The following LRP1B variants were observed in gnomAD, a reference collection of about 807,000 sequenced individuals.
LRP1B encodes the protein low-density lipoprotein receptor-related protein 1B.
Under a neutral mutation model 556.6 loss-of-function variants are expected in LRP1B, and 217 were observed. That is an observed-to-expected ratio of 0.39 (90% CI 0.35 to 0.44). The LOEUF (loss-of-function observed/expected upper bound fraction) is 0.44, where lower values mean the gene tolerates loss of function less well. Among genes scored for constraint, LRP1B ranks in the 20% least tolerant of loss-of-function variants. The pLI, the probability that LRP1B is intolerant of heterozygous loss-of-function variation, is 1.00. For synonymous variants in LRP1B, 2,047 were observed against 1,865.8 expected (o/e 1.10, Z -2.50); for missense variants, 5,053 against 5,620.8 (o/e 0.90, Z 3.23).
chr2:141,577,713 C>A (rs986495409), intron 2 of LRP1B, among the ~76,000 whole-genome samples: 1 of 152,100 alleles, frequency 6.6e-6, no homozygotes, highest in African/African-American at 2.4e-5. Context: ...ATAGGGGCAC[C>A]ATTTAATAAC....
intron 3 of LRP1B, among the ~76,000 whole-genome samples, chr2:141,288,083 C>T (rs536766722): frequency 6.6e-6 from 1 of 152,152 alleles, no homozygotes; most frequent in Non-Finnish European, 1.5e-5. Context: ...TATCCCAACA[C>T]TTTCTTCCAA....
intron 77 of LRP1B, among the ~76,000 whole-genome samples, chr2:140,345,715 T>C (rs1681616120): frequency 6.9e-6 from 1 of 145,866 alleles, no homozygotes; most frequent in Non-Finnish European, 1.5e-5. Flanking sequence ...AACTCATATA[T>C]GTATATATAT....
At chr2:141,968,677 T>G (rs913477160) in intron 1 of LRP1B, among the ~76,000 whole-genome samples, 1 of 151,816 alleles carries the variant, frequency 6.6e-6, no homozygotes, top group African/African-American at 2.4e-5. Flanking sequence ...GAATATTATG[T>G]AACACAAGAC....
At chr2:140,517,638 T>A (rs982814218) in intron 49 of LRP1B, among the ~76,000 whole-genome samples, 3 of 151,734 alleles carry the variant, frequency 2.0e-5, no homozygotes, top group African/African-American at 4.8e-5. Flanking sequence ...TTATATATAT[T>A]TTTTAAATTA....
At chr2:141,236,954 T>C (rs1683668567) in intron 5 of LRP1B, among the ~76,000 whole-genome samples, 1 of 152,164 alleles carries the variant, frequency 6.6e-6, no homozygotes, top group South Asian at 2.1e-4. Flanking sequence ...ATTTCATTTG[T>C]TTTTATGAAG....
chr2:141,668,271 G>A (rs1402208079), intron 2 of LRP1B, among the ~76,000 whole-genome samples: 1 of 152,102 alleles, frequency 6.6e-6, no homozygotes, highest in Non-Finnish European at 1.5e-5. Flanking sequence ...ATACGGACAG[G>A]AGACAGGGAA....
chr2:140,667,252 G>C (rs1351698159), intron 41 of LRP1B, among the ~76,000 whole-genome samples: 1 of 152,102 alleles, frequency 6.6e-6, no homozygotes, highest in Non-Finnish European at 1.5e-5. Flanking sequence ...AATCCACTTA[G>C]TTACCAACTA....
In LRP1B at chr2:141,949,014, G is replaced by A. The variant is rs369109286; in HGVS notation, c.83-138613C>T. The stretch of plus-strand genomic sequence containing the variant: ...AAAAGTAATAAGCTCTAAAAGCTAG[G>A]TATTTTCCAGGAAAATTATAGATAT... On this transcript the variant is annotated intron_variant, in intron 1 of 90. Coordinates refer to ENST00000389484, the MANE Select transcript of LRP1B (RefSeq NM_018557.3). Among the ~76,000 whole-genome samples, 10 of 152,236 alleles carry A rather than the reference G, an allele frequency of 6.6e-5. 1 individual carries two copies. In the East Asian group the frequency reaches 1.5e-3, roughly 23 times the overall value.
At chr2:141,100,728 G>T (rs72985127) in intron 7 of LRP1B, among the ~76,000 whole-genome samples, 1,844 of 152,224 alleles carry the variant, frequency 0.012, 34 homozygotes, top group African/African-American at 0.042. Context: ...GAATAGTGTG[G>T]AGCATGGTGA....
chr2:141,481,743 C>T (rs528042654), intron 2 of LRP1B, among the ~76,000 whole-genome samples: 7 of 152,096 alleles, frequency 4.6e-5, no homozygotes, highest in Non-Finnish European at 1.0e-4. Context: ...TTCCTGGGTC[C>T]AAATGCTGGC....
At chr2:141,425,938 G>C (rs1573932228) in intron 3 of LRP1B, among the ~76,000 whole-genome samples, 1 of 149,580 alleles carries the variant, frequency 6.7e-6, no homozygotes, top group Admixed American at 6.6e-5. Context: ...GATCCCATTT[G>C]TCAATTTTGG....
At chr2:141,957,508 G>C (rs1701290259) in intron 1 of LRP1B, among the ~76,000 whole-genome samples, 1 of 151,816 alleles carries the variant, frequency 6.6e-6, no homozygotes, top group South Asian at 2.1e-4. Context: ...TCACAGCTGA[G>C]AGGTATTAAC....
intron 1 of LRP1B, among the ~76,000 whole-genome samples, chr2:142,098,954 A>C (rs11680286): frequency 0.5 from 75,058 of 151,542 alleles, 18,952 homozygotes; most frequent in East Asian, 0.69. Context: ...ATTAGAACTC[A>C]ATTTTCTCCT....
intron 1 of LRP1B, among the ~76,000 whole-genome samples, chr2:142,128,297 G>A (rs757385568): frequency 6.6e-5 from 10 of 152,102 alleles, no homozygotes; most frequent in Non-Finnish European, 1.0e-4. Context: ...ATAAGTACAC[G>A]TAGAACCTAA....
At chr2:140,503,793 TTCCTAG>T (rs1409512517) in intron 53 of LRP1B, among the ~76,000 whole-genome samples, 4 of 152,124 alleles carry the variant, frequency 2.6e-5, no homozygotes, top group African/African-American at 4.8e-5. Context: ...AAAACAGTTA[TTCCTAG>T]TAGAACTTTC....
At chr2:141,916,883 G>A (rs1232222002) in intron 1 of LRP1B, among the ~76,000 whole-genome samples, 1 of 151,952 alleles carries the variant, frequency 6.6e-6, no homozygotes, top group African/African-American at 2.4e-5. Flanking sequence ...AATATACCCA[G>A]GTAACAAACC....
At chr2:141,692,723 T>C (rs1402263098) in intron 2 of LRP1B, among the ~76,000 whole-genome samples, 2 of 151,994 alleles carry the variant, frequency 1.3e-5, no homozygotes, top group African/African-American at 2.4e-5. Context: ...CAAACATAGA[T>C]GGTGCAGCCT....
chr2:141,770,183 T>G (rs949008951), intron 2 of LRP1B, among the ~76,000 whole-genome samples: 1 of 152,160 alleles, frequency 6.6e-6, no homozygotes, highest in African/African-American at 2.4e-5. Context: ...ACAATAGCTC[T>G]GTGCATATAG....
chr2:140,751,865 A>AT (rs1688591472), intron 35 of LRP1B, among the ~76,000 whole-genome samples: 1 of 152,196 alleles, frequency 6.6e-6, no homozygotes, highest in Admixed American at 6.5e-5. Context: ...CCACTATCAT[A>AT]GGGGTTTCAG....
Sources: gnomAD v4.1 joint callset for allele counts (sites outside exome capture counted in the v4.1 genomes callset) on GRCh38, gnomAD v4.1.1 for gene constraint, MANE v1.5 for transcripts, NCBI Gene and HGNC (gene_info 2026-07-23, HGNC 2026-07-21) for gene names.